FGD6: variants seen among roughly 807,000 people sequenced by gnomAD.
The protein encoded by FGD6 is FYVE, RhoGEF and PH domain-containing protein 6.
Under a neutral mutation model 149.4 loss-of-function variants are expected in FGD6, and 90 were observed. The ratio of observed to expected loss-of-function variants is 0.60; its 90% CI spans 0.51 to 0.72. FGD6 has a LOEUF of 0.72. FGD6 is among the 30% of genes least tolerant of loss of function. The pLI is 0.00. For missense variants in FGD6, 1,437 were observed against 1,684.8 expected, an observed-to-expected ratio of 0.85 and a Z score of 2.57; for synonymous variants, 527 against 584.0, an observed-to-expected ratio of 0.90 and a Z score of 1.41.
intron 2 of FGD6, among the ~76,000 whole-genome samples, chr12:95,205,347 C>T (rs1480745661): frequency 1.3e-5 from 2 of 151,978 alleles, no homozygotes; most frequent in Admixed American, 1.3e-4. Flanking sequence ...TGGGCTACAC[C>T]CAAGCTTGTC....
In FGD6 at chr12:95,111,022, G is replaced by A. The variant is rs541127041; in HGVS notation, c.3134-2461C>T. 6.5e-4 allele frequency among the ~76,000 whole-genome samples: 99 copies of A among 151,548 alleles called. 1 individual carries two copies. Among genetic ancestry groups the A allele is most frequent in the African/African-American group, 1.0e-3 (43 of 41,332 alleles). ...TCCTGAGACAGAGTCTTGCTCTGTC[G>A]CCCAGGCTACAGTGCAGTCGCGGGA... is the stretch of plus-strand genomic sequence containing the variant. On this transcript the variant is annotated intron_variant, in intron 9 of 20. Coordinates refer to ENST00000343958, the MANE Select transcript of FGD6 (RefSeq NM_018351.4).
chr12:95,210,150 C>G lies in FGD6; in HGVS notation c.1134G>C (p.Met378Ile). 1 of 1,613,976 alleles carries G rather than the reference C, an allele frequency of 6.2e-7. No individual in the cohort carries two copies. The highest frequency in any genetic ancestry group is 8.5e-7 in the Non-Finnish European group (1 of 1,179,996). The change falls in exon 2 of 21, where the codon ATG becomes ATC. Residue 378 changes from methionine to isoleucine, a missense_variant. Physicochemically the swap from Met to Ile is conservative, Grantham distance 10. Coordinates refer to ENST00000343958, the MANE Select transcript of FGD6 (RefSeq NM_018351.4). The part of the protein sequence containing the change: ...VLCKQEQVDK[M>I]KLGNKSELNM... ...TCAATTCACTTTTATTTCCTAGCTT[C>G]ATTTTATCCACCTGTTCCTGCTTAC...
At chr12:95,149,628 G>T (rs1313561124) in intron 5 of FGD6, among the ~76,000 whole-genome samples, 1 of 124,086 alleles carries the variant, frequency 8.1e-6, no homozygotes, top group African/African-American at 3.1e-5. Context: ...CTGCACTCTA[G>T]CATGGATGAC....
intron 2 of FGD6, among the ~76,000 whole-genome samples, chr12:95,182,205 A>ATG (rs1881302015): frequency 6.8e-6 from 1 of 146,156 alleles, no homozygotes. Context: ...ATTTACACAT[A>ATG]TATATGTATA....
rs2056748646 is a variant in FGD6 at position 95,215,455 on chromosome 12, A to G, written c.16+1770T>C. ...GCTTGTAAGAACTATGTATACATAT[A>G]AGAATGGGTAGAAATAAAACCCCAG... On this transcript the variant is annotated intron_variant, in intron 1 of 20. Transcript: ENST00000343958. Among the ~76,000 whole-genome samples the G allele has an allele frequency of 2.0e-5, 3 of 152,352 alleles. No individual in the cohort carries two copies. The South Asian group carries it at 6.2e-4, about 32-fold the overall frequency.
intron 2 of FGD6, among the ~76,000 whole-genome samples, chr12:95,204,652 C>G (rs1163693449): frequency 6.6e-6 from 1 of 152,168 alleles, no homozygotes; most frequent in Non-Finnish European, 1.5e-5. Flanking sequence ...TGCTTAACCC[C>G]ACCCTGGCTA....
intron 8 of FGD6, among the ~76,000 whole-genome samples, chr12:95,123,752 T>C (rs989927139): frequency 3.3e-5 from 5 of 151,890 alleles, no homozygotes; most frequent in African/African-American, 4.8e-5. Context: ...TTAGTAGAGA[T>C]GGGGTTTCAC....
At position 95,210,937 on chromosome 12, in the gene FGD6, C is replaced by T. The variant is rs750556788; in HGVS notation, c.347G>A (p.Cys116Tyr). 1.9e-6 allele frequency: 3 copies of T among 1,614,172 alleles called. No individual in the cohort carries two copies. The highest frequency in any genetic ancestry group is 1.1e-5 in the South Asian group (1 of 91,070). The change falls in exon 2 of 21, where the codon TGT becomes TAT. Residue 116 changes from cysteine to tyrosine, a missense_variant. Around this residue, in one of 2 missense-constraint regions of FGD6, gnomAD observed 1,055 missense variants for 1,146.0 expected, o/e 0.92. Transcript: ENST00000343958. Reference sequence around the variant, plus strand: ...CTCTCTATGGCCCAGCTTATGGATACACTCAGAACTGCAGGAACACATTGG... The same window carrying T: ...CTCTCTATGGCCCAGCTTATGGATATACTCAGAACTGCAGGAACACATTGG... ...ISPMCSCSSE[C>Y]IHKLGHRENL...
At chr12:95,089,796 G>T in intron 17 of FGD6, 100 bp from the exon 18 acceptor site, 1 of 1,456,094 alleles carries the variant, frequency 6.9e-7, no homozygotes. Flanking sequence ...ATCCATGGAA[G>T]GACACTAAGA....
At chr12:95,148,888 T>G (rs1258426793) in intron 5 of FGD6, among the ~76,000 whole-genome samples, 3 of 22,698 alleles carry the variant, frequency 1.3e-4, no homozygotes, top group African/African-American at 6.2e-4. Context: ...TTATATATAT[T>G]ATATAAGATA....
intron 12 of FGD6, 129 bp downstream of exon 12, chr12:95,107,433 AC>A: frequency 1.4e-6 from 1 of 740,054 alleles, no homozygotes; most frequent in Non-Finnish European, 2.2e-6. Context: ...ATTAAGTGGT[AC>A]GGCCAGTTCA....
intron 17 of FGD6, among the ~76,000 whole-genome samples, chr12:95,090,252 G>A (rs2136232997): frequency 6.6e-6 from 1 of 152,018 alleles, no homozygotes; most frequent in East Asian, 1.9e-4. Context: ...AAGGCAGAGA[G>A]GTATGAAATT....
intron 19 of FGD6, 63 bp downstream of exon 19, chr12:95,085,717 G>A: frequency 6.6e-7 from 1 of 1,505,186 alleles, no homozygotes. Flanking sequence ...TTAAAATATT[G>A]TAATTACTTG....
At chr12:95,178,907 T>G (rs1289194175) in intron 2 of FGD6, among the ~76,000 whole-genome samples, 1 of 152,104 alleles carries the variant, frequency 6.6e-6, no homozygotes, top group Non-Finnish European at 1.5e-5. Flanking sequence ...CATTCTTAAG[T>G]TTTAGAGGTT....
intron 2 of FGD6, among the ~76,000 whole-genome samples, chr12:95,174,121 G>A (rs867011971): frequency 2.6e-5 from 4 of 152,214 alleles, no homozygotes; most frequent in Middle Eastern, 3.4e-3. Flanking sequence ...AGCTCCCCAA[G>A]ACATGCAGGA....
At chr12:95,089,360 C>A (rs1877975435) in intron 18 of FGD6, among the ~76,000 whole-genome samples, 1 of 152,242 alleles carries the variant, frequency 6.6e-6, no homozygotes, top group Admixed American at 6.5e-5. Flanking sequence ...GTTCTCTAAA[C>A]CTTTCAATAG....
intron 20 of FGD6, among the ~76,000 whole-genome samples, chr12:95,083,030 T>TATACACACACACACAC (rs772685891): frequency 1.1e-4 from 6 of 56,596 alleles, no homozygotes; most frequent in African/African-American, 4.0e-4. Flanking sequence ...TATATATATA[T>TATACACACACACACAC]ACACACACAT....
chr12:95,136,976 C>T (rs1284508108), intron 7 of FGD6, among the ~76,000 whole-genome samples: 2 of 152,088 alleles, frequency 1.3e-5, no homozygotes, highest in Admixed American at 6.6e-5. Flanking sequence ...TTTAAAAAGT[C>T]CCATCAAAAT....
At position 95,158,492 on chromosome 12, in the gene FGD6, C is replaced by T. The variant is rs180825478; in HGVS notation, c.2587-5499G>A. On this transcript the variant is annotated intron_variant, in intron 3 of 20. Transcript: ENST00000343958. ...CTTTTAAACTACACATAGCTATATT[C>T]CTCAGGAAGACTGCAGTCTTAAGCA... Among the ~76,000 whole-genome samples the T allele has an allele frequency of 2.9e-3, 434 of 152,114 alleles. 1 individual carries two copies. Among genetic ancestry groups the T allele is most frequent in the Non-Finnish European group, 4.9e-3 (332 of 68,016 alleles).
Sources: allele counts gnomAD v4.1 joint callset (sites outside exome capture counted in the v4.1 genomes callset), GRCh38; gene constraint gnomAD v4.1.1; regional missense constraint gnomAD v4.1.1; transcripts MANE v1.5; gene names NCBI Gene and HGNC (gene_info 2026-07-23, HGNC 2026-07-21).